Variants in SUGCT observed in about 807,000 individuals in gnomAD.
SUGCT encodes the protein succinyl-CoA:glutarate-CoA transferase, also known as succinyl-CoA:glutarate CoA-transferase.
Under a neutral mutation model 55.0 loss-of-function variants are expected in SUGCT, and 41 were observed. The observed-to-expected ratio is 0.74, with a 90% confidence interval of 0.58 to 0.97. SUGCT has a LOEUF of 0.97. Ranked by LOEUF, SUGCT falls within the 50% of genes least tolerant of loss-of-function variation. The probability of loss-of-function intolerance (pLI) is 0.00; values close to 1 mark genes in which losing one functional copy is unlikely to be tolerated. For synonymous variants in SUGCT, 187 were observed against 200.4 expected (o/e 0.93, Z 0.56); for missense variants, 568 against 547.8 (o/e 1.04, Z -0.37).
rs756482318 is a variant in SUGCT, at chr7:40,595,512, A to G, written c.1089+99126A>G. Among the ~76,000 whole-genome samples the G allele has an allele frequency of 4.3e-4, 66 of 152,194 alleles. 1 individual carries two copies. The highest frequency in any genetic ancestry group is 2.5e-3 in the Admixed American group (38 of 15,278). The stretch of plus-strand genomic sequence containing the variant: ...GACATCACCTTAGAGGCAGAGGACA[A>G]GTCCTCACATTGTTTCTGGGACAGG... On this transcript the variant is annotated intron_variant, in intron 12 of 13. Coordinates refer to ENST00000335693, the MANE Select transcript of SUGCT (RefSeq NM_001193313.2).
chr7:40,287,646 G>A (rs959552217), intron 8 of SUGCT, among the ~76,000 whole-genome samples: 5 of 151,950 alleles, frequency 3.3e-5, no homozygotes, highest in African/African-American at 1.2e-4. Context: ...ACACGCATAT[G>A]CCATCATGCT....
chr7:40,739,279 C>T (rs945215283), intron 12 of SUGCT, among the ~76,000 whole-genome samples: 1 of 152,116 alleles, frequency 6.6e-6, no homozygotes, highest in South Asian at 2.1e-4. Flanking sequence ...TTCTGGAGAC[C>T]CCCAATCTGT....
At chr7:40,769,673 T>A (rs572137891) in intron 13 of SUGCT, among the ~76,000 whole-genome samples, 53 of 152,302 alleles carry the variant, frequency 3.5e-4, no homozygotes, top group African/African-American at 1.2e-3. Context: ...CTGTCAGGGC[T>A]TTAGCTTTAG....
intron 9 of SUGCT, among the ~76,000 whole-genome samples, chr7:40,335,755 A>G (rs1796656071): frequency 6.6e-6 from 1 of 152,154 alleles, no homozygotes; most frequent in Non-Finnish European, 1.5e-5. Context: ...CTCCTCCCTG[A>G]TTGCCCTGGC....
chr7:40,578,619 A>G (rs1311097856), intron 12 of SUGCT, among the ~76,000 whole-genome samples: 2 of 151,964 alleles, frequency 1.3e-5, no homozygotes, highest in African/African-American at 2.4e-5. Flanking sequence ...GAAAATACCA[A>G]TGCTCAGGCC....
chr7:40,746,064 A>T (rs910114318), intron 12 of SUGCT, among the ~76,000 whole-genome samples: 10 of 152,218 alleles, frequency 6.6e-5, no homozygotes, highest in African/African-American at 2.4e-4. Flanking sequence ...TAGTTCCTTC[A>T]TTTCCAATGA....
chr7:40,453,893 C>T (rs981200990), intron 10 of SUGCT, among the ~76,000 whole-genome samples: 8 of 152,130 alleles, frequency 5.3e-5, no homozygotes, highest in African/African-American at 9.7e-5. Flanking sequence ...ATTATAACAA[C>T]GCTCTAACAA....
the SUGCT span, among the ~76,000 whole-genome samples, chr7:40,870,905 C>T: frequency 2.6e-5 from 4 of 152,062 alleles, no homozygotes; most frequent in Non-Finnish European, 5.9e-5. Flanking sequence ...CCACTGAGAG[C>T]CTCTTCAGCA....
intron 13 of SUGCT, among the ~76,000 whole-genome samples, chr7:40,768,573 A>G (rs1788925567): frequency 6.6e-6 from 1 of 152,172 alleles, no homozygotes; most frequent in Admixed American, 6.5e-5. Flanking sequence ...ATTTCTAGGT[A>G]GAATTATGTT....
the SUGCT span, among the ~76,000 whole-genome samples, chr7:40,976,483 C>T: frequency 6.6e-6 from 1 of 152,218 alleles, no homozygotes; most frequent in African/African-American, 2.4e-5. Context: ...TGATTTGTAT[C>T]TTATAACAGT....
intron 9 of SUGCT, among the ~76,000 whole-genome samples, chr7:40,378,590 A>G (rs1242597863): frequency 1.3e-5 from 2 of 152,120 alleles, no homozygotes; most frequent in African/African-American, 2.4e-5. Context: ...CTCCCACCTC[A>G]GCCTCCTGAG....
intron 1 of SUGCT, among the ~76,000 whole-genome samples, chr7:40,175,565 T>C (rs900989284): frequency 6.6e-6 from 1 of 152,118 alleles, no homozygotes; most frequent in African/African-American, 2.4e-5. Flanking sequence ...TAACACCCTA[T>C]TGATTCATTA....
chr7:40,297,536 T>A (rs535625451), intron 8 of SUGCT, among the ~76,000 whole-genome samples: 15 of 152,126 alleles, frequency 9.9e-5, no homozygotes, highest in East Asian at 3.9e-4. Context: ...GCAAATCTGA[T>A]CATTTTGAGG....
intron 9 of SUGCT, among the ~76,000 whole-genome samples, chr7:40,442,324 G>C (rs1160044730): frequency 6.6e-6 from 1 of 152,164 alleles, no homozygotes; most frequent in African/African-American, 2.4e-5. Flanking sequence ...TTAGAAACAA[G>C]ATGGAGTCAG....
chr7:40,911,257 G>A, the SUGCT span, among the ~76,000 whole-genome samples: 44,166 of 151,850 alleles, frequency 0.29, 6,454 homozygotes, highest in African/African-American at 0.34. Flanking sequence ...GCCACCAAAA[G>A]TTGTATCAAA....
In SUGCT at chr7:40,433,552, A is replaced by G. The variant is rs552741318; in HGVS notation, c.817-15735A>G. ...AGCCGAATATGGCCATCTCATCTCC[A>G]CCTTCCTGTTTCCTTTTGAATCTTC... On this transcript the variant is annotated intron_variant, in intron 9 of 13. Coordinates refer to ENST00000335693, the MANE Select transcript of SUGCT (RefSeq NM_001193313.2). Among the ~76,000 whole-genome samples the G allele has an allele frequency of 3.3e-5, 5 of 152,108 alleles. No individual in the cohort carries two copies. In the South Asian group the frequency reaches 1.0e-3, roughly 32 times the overall value.
intron 12 of SUGCT, among the ~76,000 whole-genome samples, chr7:40,556,926 TTCTAC>T (rs1795588954): frequency 6.6e-6 from 1 of 152,180 alleles, no homozygotes; most frequent in African/African-American, 2.4e-5. Context: ...AGTCAGATGA[TTCTAC>T]TACTCAAGGC....
At chr7:40,943,692 G>A in the SUGCT span, among the ~76,000 whole-genome samples, 7 of 149,714 alleles carry the variant, frequency 4.7e-5, no homozygotes, top group Admixed American at 2.0e-4. Context: ...TTGGACATTT[G>A]GGTCGGTTCC....
intron 6 of SUGCT, among the ~76,000 whole-genome samples, chr7:40,205,306 T>C (rs762482577): frequency 3.3e-5 from 5 of 150,478 alleles, no homozygotes; most frequent in South Asian, 2.1e-4. Context: ...GGAAAATGTA[T>C]TGGATTGGAA....
Sources: allele counts gnomAD v4.1 joint callset (sites outside exome capture counted in the v4.1 genomes callset), GRCh38; gene constraint gnomAD v4.1.1; transcripts MANE v1.5; gene names NCBI Gene and HGNC (gene_info 2026-07-23, HGNC 2026-07-21).